PHF23: variants seen among roughly 807,000 people sequenced by gnomAD.
PHF23 encodes the protein PHD finger protein 23, also known as PDH-containing protein JUNE-1.
A neutral mutation model predicts 36.0 loss-of-function variants in PHF23; 3 were observed. That is an observed-to-expected ratio of 0.08 (90% CI 0.04 to 0.22). The LOEUF (loss-of-function observed/expected upper bound fraction) is 0.22. PHF23 is among the 10% of genes least tolerant of loss of function. PHF23 has a pLI of 1.00. For synonymous variants in PHF23, 242 were observed against 192.5 expected, an observed-to-expected ratio of 1.26 and a Z score of -2.13; for missense variants, 475 against 513.6, an observed-to-expected ratio of 0.92 and a Z score of 0.73.
In PHF23 at chr17:7,236,027, G is replaced by A; in HGVS notation, c.900C>T (p.Ser300=). ...PEGVPPADSE[S]KEVGSTETSQ... is the part of the protein sequence containing the mutation. Reference sequence around the variant, plus strand: ...TTGTTTCAGTGCTGCCCACCTCCTTGCTTTCACTGTCAGCAGGAGGGACTC... The same window carrying A: ...TTGTTTCAGTGCTGCCCACCTCCTTACTTTCACTGTCAGCAGGAGGGACTC... The change falls in exon 4 of 5, where the codon AGC becomes AGT. Residue 300 remains serine (S), a synonymous_variant. Coordinates refer to ENST00000320316, the MANE Select transcript of PHF23 (RefSeq NM_024297.3). The surrounding 1 kb of genome is among the most constrained non-coding windows in gnomAD (Gnocchi z 5.1). 2 of 1,613,988 alleles carry A rather than the reference G, an allele frequency of 1.2e-6. No homozygotes were observed. Among genetic ancestry groups the A allele is most frequent in the South Asian group, 2.2e-5 (2 of 91,072 alleles).
intron 1 of PHF23, chr17:7,238,634 C>G (rs1463422255): frequency 2.3e-5 from 8 of 345,122 alleles, no homozygotes; most frequent in Non-Finnish European, 2.7e-5. Context: ...AGTCGCCGGT[C>G]TTAACCCCCC....
chr17:7,239,323 C>G lies in PHF23; in HGVS notation c.-44G>C. ...CGGTCCGGCGCCCCCCTCCCCGGAG[C>G]CGGGGATCCCGGTGCCGCCTCTAGT... On this transcript the variant is annotated 5_prime_UTR_variant, in exon 1 of 5. Coordinates refer to ENST00000320316, the MANE Select transcript of PHF23 (RefSeq NM_024297.3). 1 of 1,013,008 alleles carries G rather than the reference C, an allele frequency of 9.9e-7. No homozygotes were observed. Among genetic ancestry groups the G allele is most frequent in the Non-Finnish European group, 1.5e-6 (1 of 659,802 alleles). The allele number at this position is 1,013,008 out of a possible 1,614,324, so 62.8% of individuals were successfully genotyped here.
In PHF23 at chr17:7,235,250, G is replaced by GTCGCCGTATC; in HGVS notation, c.*375_*376insGATACGGCGA. On this transcript the variant is annotated 3_prime_UTR_variant, in exon 5 of 5. Transcript: ENST00000320316. ...ACCGGTGTAGAAGAAAATAAATGGG[G>GTCGCCGTATC]AGTGAAATAGAAGAAAAGATGAGGG... is the stretch of plus-strand genomic sequence containing the variant. 10 of 267,530 alleles carry GTCGCCGTATC rather than the reference G, an allele frequency of 3.7e-5. No homozygotes were observed. Among genetic ancestry groups the GTCGCCGTATC allele is most frequent in the South Asian group, 1.3e-4 (3 of 22,600 alleles). 16.6% of individuals were successfully genotyped at this position (267,530 alleles called of 1,614,324 possible).
At position 7,235,698 on chromosome 17, in the gene PHF23, A is replaced by G. The variant is rs1186648886; in HGVS notation, c.1140T>C (p.Tyr380=). The change falls in exon 5 of 5, where the codon TAT becomes TAC. Residue 380 remains tyrosine, a synonymous_variant. Coordinates refer to ENST00000320316, the MANE Select transcript of PHF23 (RefSeq NM_024297.3). Reference sequence around the variant, plus strand: ...GCCTCAGTTCCTTGCATTTCTGGCAATAAAAGAAGTCGGGGACGTTGGTCT... The same window carrying G: ...GCCTCAGTTCCTTGCATTTCTGGCAGTAAAAGAAGTCGGGGACGTTGGTCT... The part of the protein sequence containing the change: ...IKKTNVPDFF[Y]CQKCKELRPE... 1.2e-6 allele frequency: 2 copies of G among 1,614,200 alleles called. No homozygotes were observed. Among genetic ancestry groups the G allele is most frequent in the East Asian group, 4.5e-5 (2 of 44,884 alleles).
At position 7,235,260 on chromosome 17, in the gene PHF23, G is replaced by C. The variant is rs984914830; in HGVS notation, c.*366C>G. ...AAGAAAATAAATGGGGAGTGAAATA[G>C]AAGAAAAGATGAGGGAGGGGAGTGC... On this transcript the variant is annotated 3_prime_UTR_variant, in exon 5 of 5. Coordinates refer to ENST00000320316, the MANE Select transcript of PHF23 (RefSeq NM_024297.3). 3.7e-6 allele frequency: 1 copy of C among 272,752 alleles called. No individual in the cohort carries two copies. Among genetic ancestry groups the C allele is most frequent in the Admixed American group, 4.9e-5 (1 of 20,498 alleles). The allele number at this position is 272,752 out of a possible 1,614,324, so 16.9% of individuals were successfully genotyped here. A position where few individuals can be genotyped will look rare whatever the true frequency, so the allele number is the denominator to read the frequency against.
chr17:7,239,121 G>A (rs1410164501), intron 1 of PHF23, 125 bp downstream of exon 1: 1 of 1,028,540 alleles, frequency 9.7e-7, no homozygotes, highest in Middle Eastern at 2.3e-4. Context: ...CCACCTCCAG[G>A]GCCAGCCTCC....
In PHF23 at chr17:7,236,815, C is replaced by T. The variant is rs775182532; in HGVS notation, c.160-48G>A. The stretch of plus-strand genomic sequence containing the variant: ...GGTCAGCAGAACCCCAGTGTCATCT[C>T]AGCCCCTCCACAAACCCAGCTTGAA... On this transcript the variant is annotated intron_variant, in intron 3 of 4. Transcript: ENST00000320316. The surrounding 1 kb of genome is among the most constrained non-coding windows in gnomAD (Gnocchi z 5.1). 22 of 1,550,542 alleles carry T rather than the reference C, an allele frequency of 1.4e-5. No homozygotes were observed. The highest frequency in any genetic ancestry group is 2.1e-4 in the Middle Eastern group (1 of 4,840).
At chr17:7,240,519 G>A (rs45618636), upstream of PHF23, 2,052 of 209,956 alleles carry the variant, frequency 9.8e-3, 46 homozygotes, top group African/African-American at 0.044. Flanking sequence ...GTGAAAGGAA[G>A]GGATTGCTGG....
rs1290931695 is a variant in PHF23 at position 7,235,223 on chromosome 17, C to G, written c.*403G>C. ...TAGGGGAAGTCCAAAATTAAAAATA[C>G]AACCGGTGTAGAAGAAAATAAATGG... is the stretch of plus-strand genomic sequence containing the variant. On this transcript the variant is annotated 3_prime_UTR_variant, in exon 5 of 5. Transcript: ENST00000320316. 1 of 231,338 alleles carries G rather than the reference C, an allele frequency of 4.3e-6. No individual in the cohort carries two copies. The allele number at this position is 231,338 out of a possible 1,614,324, so 14.3% of individuals were successfully genotyped here.
chr17:7,237,759 C>G, intron 1 of PHF23, 99 bp from the exon 2 acceptor site: 1 of 1,401,650 alleles, frequency 7.1e-7, no homozygotes, highest in South Asian at 1.2e-5. Flanking sequence ...CCTGCTCTCC[C>G]AGGTCCCTCT....
upstream of PHF23, chr17:7,240,752 A>G: frequency 1.3e-6 from 1 of 774,730 alleles, no homozygotes; most frequent in East Asian, 2.4e-5. Context: ...GGTCCTGAAT[A>G]AGGGAGGTGG....
intron 3 of PHF23, among the ~76,000 whole-genome samples, chr17:7,237,065 G>A (rs938185885): frequency 1.3e-5 from 2 of 152,170 alleles, no homozygotes; most frequent in African/African-American, 4.8e-5. Context: ...TTTCTGTATA[G>A]CCTCATTTGT....
intron 1 of PHF23, chr17:7,239,031 C>T (rs1364453449): frequency 7.1e-7 from 1 of 1,402,252 alleles, no homozygotes; most frequent in African/African-American, 1.4e-5. Context: ...TCCCCCGCAC[C>T]CCCACACCGT....
chr17:7,236,293 T>C lies in PHF23; in HGVS notation c.634A>G (p.Arg212Gly). 1.2e-6 allele frequency: 2 copies of C among 1,613,880 alleles called. No individual in the cohort carries two copies. Among genetic ancestry groups the C allele is most frequent in the Non-Finnish European group, 1.7e-6 (2 of 1,179,894 alleles). Residue 212 changes from arginine to glycine, a missense_variant, in exon 4 of 5, where the codon AGA becomes GGA. Arg to Gly is a moderately radical substitution (Grantham distance 125). Around this residue, in one of 5 missense-constraint regions of PHF23, gnomAD observed 350 missense variants for 319.8 expected, o/e 1.09. Transcript: ENST00000320316. The surrounding 1 kb of genome is among the most constrained non-coding windows in gnomAD (Gnocchi z 5.1). ...TTCTTGCTCTTCTTGATTCGAGATC[T>C]CTTTTCCCCATCCCCAGGAGTTGGC... ...PRPTPGDGEK[R>G]SRIKKSKKRK...
intron 3 of PHF23, among the ~76,000 whole-genome samples, chr17:7,237,010 G>C (rs1048692786): frequency 1.3e-5 from 2 of 152,092 alleles, no homozygotes; most frequent in African/African-American, 2.4e-5. Flanking sequence ...AGGGCCTGTG[G>C]AACACTGTAT....
chr17:7,237,575 C>CG, intron 2 of PHF23, 54 bp downstream of exon 2: 3 of 1,605,866 alleles, frequency 1.9e-6, no homozygotes, highest in Non-Finnish European at 2.6e-6. Flanking sequence ...AAAAGGGGGG[C>CG]GGGGGGCGTT....
At position 7,236,144 on chromosome 17, in the gene PHF23, CTCT is replaced by C. The variant is rs759574171; in HGVS notation, c.780_782del (p.Glu261del). ...CTTCACCCCCTACCACTGTTGCCAT[CTCT>C]TCTTCTTCTTCCTCTTCCTCCTCTT... On this transcript the variant is annotated inframe_deletion, in exon 4 of 5. Coordinates refer to ENST00000320316, the MANE Select transcript of PHF23 (RefSeq NM_024297.3). This position sits in a 1 kb window ranked among gnomAD's most constrained non-coding sequence, Gnocchi z 5.1. 275 of 1,610,228 alleles carry C rather than the reference CTCT, an allele frequency of 1.7e-4. No individual in the cohort carries two copies. The highest frequency in any genetic ancestry group is 1.1e-3 in the African/African-American group (86 of 74,944).
intron 3 of PHF23, 69 bp downstream of exon 3, chr17:7,237,314 TTC>T: frequency 7.6e-7 from 1 of 1,309,810 alleles, no homozygotes; most frequent in East Asian, 2.3e-5. Context: ...AGCAATACAG[TTC>T]TGTTTGAACA....
chr17:7,240,040 A>G (rs1278191370), upstream of PHF23: 2 of 152,424 alleles, frequency 1.3e-5, no homozygotes, highest in East Asian at 3.8e-4. Context: ...ACTAGCTTGC[A>G]CACATGAAAA....
Sources: gnomAD v4.1 joint callset for allele counts (sites outside exome capture counted in the v4.1 genomes callset) on GRCh38, gnomAD v4.1.1 for gene constraint, gnomAD v4.1.1 regional missense constraint, Gnocchi (gnomAD v3.1) non-coding constraint, MANE v1.5 for transcripts, NCBI Gene and HGNC (gene_info 2026-07-23, HGNC 2026-07-21) for gene names.